The following DENND1A variants were observed in gnomAD, a reference collection of about 807,000 sequenced individuals.
The protein encoded by DENND1A is DENN domain-containing protein 1A.
Under a neutral mutation model 113.7 loss-of-function variants are expected in DENND1A, and 51 were observed. The ratio of observed to expected loss-of-function variants is 0.45; its 90% CI spans 0.36 to 0.57. The LOEUF (loss-of-function observed/expected upper bound fraction) is 0.57, where lower values mean the gene tolerates loss of function less well. Among genes scored for constraint, DENND1A ranks in the 20% least tolerant of loss-of-function variants. The pLI is 0.00. For synonymous variants in DENND1A, 565 were observed against 570.8 expected (o/e 0.99, Z 0.14); for missense variants, 1,258 against 1,395.9 (o/e 0.90, Z 1.57).
At chr9:123,857,817 C>T (rs661006) in intron 2 of DENND1A, among the ~76,000 whole-genome samples, 149,869 of 152,254 alleles carry the variant, frequency 0.98, 73,772 homozygotes, top group East Asian at 1. Context: ...CCCAGCACTT[C>T]GGGAGGCCGA....
intron 2 of DENND1A, among the ~76,000 whole-genome samples, chr9:123,828,388 T>C (rs1839691168): frequency 6.6e-6 from 1 of 152,004 alleles, no homozygotes; most frequent in Non-Finnish European, 1.5e-5. Flanking sequence ...GTAAGTTATA[T>C]ATGAACTACT....
chr9:123,671,109 A>T (rs2063741225), intron 7 of DENND1A, among the ~76,000 whole-genome samples, 182 bp downstream of exon 7: 1 of 152,104 alleles, frequency 6.6e-6, no homozygotes, highest in African/African-American at 2.4e-5. Context: ...TTTCTTATAG[A>T]ATCTCAGAGA....
At chr9:123,808,084 G>T (rs1375932956) in intron 2 of DENND1A, among the ~76,000 whole-genome samples, 1 of 151,942 alleles carries the variant, frequency 6.6e-6, no homozygotes. Flanking sequence ...AAATTAGCCG[G>T]GTGTGGTGGT....
At chr9:123,406,500 C>T (rs1200756707) in intron 20 of DENND1A, among the ~76,000 whole-genome samples, 3 of 152,234 alleles carry the variant, frequency 2.0e-5, no homozygotes, top group Admixed American at 1.3e-4. Flanking sequence ...ACCCCTGCCT[C>T]GCATTCTGTG....
intron 21 of DENND1A, among the ~76,000 whole-genome samples, chr9:123,393,864 T>C (rs2042977584): frequency 6.6e-6 from 1 of 152,068 alleles, no homozygotes; most frequent in Admixed American, 6.6e-5. Context: ...GTGGGAGAGA[T>C]GGGTGAGTGT....
At chr9:123,673,629 G>A (rs1028893388) in intron 6 of DENND1A, among the ~76,000 whole-genome samples, 1 of 152,120 alleles carries the variant, frequency 6.6e-6, no homozygotes, top group African/African-American at 2.4e-5. Context: ...CTCATGCCAG[G>A]CCCTTTCAGT....
At chr9:123,553,283 AT>A (rs997868380) in intron 13 of DENND1A, among the ~76,000 whole-genome samples, 52 of 151,548 alleles carry the variant, frequency 3.4e-4, no homozygotes, top group Admixed American at 9.9e-4. Flanking sequence ...TAGTAAAATA[AT>A]TTTTTTTTAA....
chr9:123,619,958 A>T (rs1487641184), intron 10 of DENND1A, among the ~76,000 whole-genome samples: 2 of 152,026 alleles, frequency 1.3e-5, no homozygotes, highest in African/African-American at 4.8e-5. Context: ...TACACCTGTA[A>T]TCACAGCACT....
At chr9:123,630,204 C>CTTTTTT (rs11324537) in intron 10 of DENND1A, among the ~76,000 whole-genome samples, 172 bp downstream of exon 10, 39 of 94,094 alleles carry the variant, frequency 4.1e-4, no homozygotes, top group Middle Eastern at 6.3e-3. Flanking sequence ...CCATGACTGG[C>CTTTTTT]TTTTTTTTTT....
At chr9:123,629,308 G>A (rs985043356) in intron 10 of DENND1A, among the ~76,000 whole-genome samples, 6 of 152,196 alleles carry the variant, frequency 3.9e-5, no homozygotes, top group Non-Finnish European at 5.9e-5. Context: ...TTCCCTGTCT[G>A]TGTACCATGC....
At position 123,381,666 on chromosome 9, in the gene DENND1A, C is replaced by A; in HGVS notation, c.2979G>T (p.Arg993Ser). 2 of 1,599,842 alleles carry A rather than the reference C, an allele frequency of 1.3e-6. No individual in the cohort carries two copies. Among genetic ancestry groups the A allele is most frequent in the Non-Finnish European group, 8.5e-7 (1 of 1,173,512 alleles). Residue 993 changes from arginine (R) to serine (S), a missense_variant, in exon 24 of 24, where the codon AGG becomes AGT. Arg to Ser is a moderately radical substitution (Grantham distance 110). Transcript: ENST00000394215. The surrounding 1 kb of genome is among the most constrained non-coding windows in gnomAD (Gnocchi z 4.7). ...CCAGCCCCTGCTTGGTCTCAGCAGC[C>A]CTGGCACTTGAGCGGGCCAGGGGCA... ...RTLPLARSSA[R>S]AAETKQGLAL...
At chr9:123,900,189 A>T (rs1311894005) in intron 1 of DENND1A, among the ~76,000 whole-genome samples, 1 of 152,262 alleles carries the variant, frequency 6.6e-6, no homozygotes, top group African/African-American at 2.4e-5. Flanking sequence ...CACAAATATA[A>T]ATCCTGGGAG....
intron 5 of DENND1A, among the ~76,000 whole-genome samples, chr9:123,705,560 A>AT (rs1450346214): frequency 6.6e-6 from 1 of 152,226 alleles, no homozygotes; most frequent in Non-Finnish European, 1.5e-5. Context: ...AATATATGCC[A>AT]TTTATAGAAC....
intron 19 of DENND1A, among the ~76,000 whole-genome samples, chr9:123,435,707 G>A (rs1156648179): frequency 1.3e-5 from 2 of 152,206 alleles, no homozygotes; most frequent in Non-Finnish European, 2.9e-5. Context: ...TCTGCACCTA[G>A]GACTAGGGTC....
intron 18 of DENND1A, among the ~76,000 whole-genome samples, chr9:123,445,338 G>A (rs757726845): frequency 2.0e-5 from 3 of 152,230 alleles, no homozygotes; most frequent in East Asian, 3.8e-4. Flanking sequence ...GGCCTGCTGC[G>A]GCCCAGCGGC....
chr9:123,912,540 C>T (rs117819117), intron 1 of DENND1A, among the ~76,000 whole-genome samples: 5 of 152,274 alleles, frequency 3.3e-5, no homozygotes, highest in Non-Finnish European at 5.9e-5. Context: ...CCTGTCGTCC[C>T]ACCCTCACCC....
At chr9:123,779,894 G>A (rs568084981) in intron 3 of DENND1A, among the ~76,000 whole-genome samples, 9 of 122,708 alleles carry the variant, frequency 7.3e-5, no homozygotes, top group Admixed American at 3.8e-4. Context: ...ACGGAGTCTC[G>A]CTCTGTCACC....
chr9:123,511,853 G>T (rs1474854819), intron 13 of DENND1A, among the ~76,000 whole-genome samples: 3 of 152,194 alleles, frequency 2.0e-5, no homozygotes, highest in African/African-American at 7.2e-5. Context: ...GGGGTTGCAG[G>T]GATTGTCTGT....
intron 19 of DENND1A, among the ~76,000 whole-genome samples, chr9:123,418,918 A>T (rs931234427): frequency 1.3e-5 from 2 of 152,248 alleles, no homozygotes; most frequent in African/African-American, 2.4e-5. Flanking sequence ...GAGGGCAGAC[A>T]GCTGTTTAGG....
Sources: allele counts gnomAD v4.1 joint callset (sites outside exome capture counted in the v4.1 genomes callset), GRCh38; gene constraint gnomAD v4.1.1; non-coding constraint Gnocchi (gnomAD v3.1); transcripts MANE v1.5; gene names NCBI Gene and HGNC (gene_info 2026-07-23, HGNC 2026-07-21).